Variants in HS3ST2 observed in about 807,000 individuals in gnomAD.
HS3ST2 encodes heparan sulfate glucosamine 3-O-sulfotransferase 2.
In HS3ST2, 17 loss-of-function variants were observed where a neutral mutation model predicts 26.3. The ratio of observed to expected loss-of-function variants is 0.65; its 90% CI spans 0.44 to 0.97. The LOEUF (loss-of-function observed/expected upper bound fraction) is 0.97. HS3ST2 is among the 50% of genes least tolerant of loss of function. HS3ST2 has a pLI of 0.00. For synonymous variants in HS3ST2, 237 were observed against 219.2 expected (o/e 1.08, Z -0.72); for missense variants, 402 against 501.2 (o/e 0.80, Z 1.89).
Position 22,814,648 on chromosome 16 carries a change from A to G in HS3ST2, c.38A>G (p.Gln13Arg). The stretch of plus-strand genomic sequence containing the variant: ...GTCCTGGGCCGCGCGGGGCCACCTC[A>G]GCCGCGGAGGGCGCGCAGGCTGCTC... Reference protein sequence around the residue: ...YRVLGRAGPPQPRRARRLLFA... With the variant: ...YRVLGRAGPPRPRRARRLLFA... Residue 13 changes from glutamine to arginine, a missense_variant, in exon 1 of 2, where the codon CAG becomes CGG. Gln to Arg is a conservative substitution (Grantham distance 43). This residue lies in a region of HS3ST2 where 165 missense variants were observed against 154.6 expected (regional missense o/e 1.07). Transcript: ENST00000261374. The G allele has an allele frequency of 6.4e-7, 1 of 1,559,316 alleles. No individual in the cohort carries two copies. Among genetic ancestry groups the G allele is most frequent in the Non-Finnish European group, 8.7e-7 (1 of 1,153,344 alleles).
chr16:22,895,574 G>T (rs941722678), intron 1 of HS3ST2, among the ~76,000 whole-genome samples: 1 of 151,878 alleles, frequency 6.6e-6, no homozygotes, highest in Non-Finnish European at 1.5e-5. Flanking sequence ...TGTATTCTGG[G>T]GTGGTCGTAT....
chr16:22,828,068 C>T (rs1473166181), intron 1 of HS3ST2, among the ~76,000 whole-genome samples: 2 of 152,150 alleles, frequency 1.3e-5, no homozygotes, highest in East Asian at 3.9e-4. Context: ...AGGCTGGAGT[C>T]TGAACCAAAT....
chr16:22,847,075 C>T (rs1291077753), intron 1 of HS3ST2, among the ~76,000 whole-genome samples: 1 of 152,130 alleles, frequency 6.6e-6, no homozygotes, highest in East Asian at 1.9e-4. Context: ...ATTATTTCAT[C>T]ACCCAGGTAC....
chr16:22,838,266 A>T lies in HS3ST2; in HGVS notation c.485+23171A>T, dbSNP rs991077165. Among the ~76,000 whole-genome samples the T allele has an allele frequency of 3.3e-5, 5 of 152,188 alleles. No homozygotes were observed. The East Asian group carries it at 9.7e-4, about 30-fold the overall frequency. ...CTCCTGAGCTCAAAGGGGGCTGAGG[A>T]TGTACAATTCCACGACCCAGGATTT... is the stretch of plus-strand genomic sequence containing the variant. On this transcript the variant is annotated intron_variant, in intron 1 of 1. Coordinates refer to ENST00000261374, the MANE Select transcript of HS3ST2 (RefSeq NM_006043.2).
chr16:22,842,325 A>G (rs755810218), intron 1 of HS3ST2, among the ~76,000 whole-genome samples: 8 of 151,874 alleles, frequency 5.3e-5, no homozygotes, highest in Non-Finnish European at 1.2e-4. Context: ...AGCCTCCCAA[A>G]GTGCTGGGAT....
At chr16:22,831,282 A>C (rs191296781) in intron 1 of HS3ST2, among the ~76,000 whole-genome samples, 142 of 152,356 alleles carry the variant, frequency 9.3e-4, no homozygotes, top group African/African-American at 3.3e-3. Context: ...GCCCACTAAG[A>C]TTCTCCCTGC....
At chr16:22,827,970 G>A (rs910235158) in intron 1 of HS3ST2, among the ~76,000 whole-genome samples, 2 of 151,960 alleles carry the variant, frequency 1.3e-5, no homozygotes, top group East Asian at 3.9e-4. Context: ...GCTTCCCTAA[G>A]TGCTAGGATT....
chr16:22,910,846 C>T (rs548785698), intron 1 of HS3ST2, among the ~76,000 whole-genome samples: 154 of 152,176 alleles, frequency 1.0e-3, no homozygotes, highest in African/African-American at 3.2e-3. Context: ...CCTTGCATAC[C>T]TTGTTCTCGG....
chr16:22,823,601 T>C (rs1051992766), intron 1 of HS3ST2, among the ~76,000 whole-genome samples: 3 of 135,516 alleles, frequency 2.2e-5, no homozygotes, highest in African/African-American at 5.9e-5. Flanking sequence ...CTGGGCAACA[T>C]AGGGAGACCT....
At chr16:22,818,639 C>G (rs1352898004) in intron 1 of HS3ST2, among the ~76,000 whole-genome samples, 1 of 151,366 alleles carries the variant, frequency 6.6e-6, no homozygotes, top group East Asian at 2.0e-4. Flanking sequence ...TTCCCTCTCT[C>G]CCCTTTCCCT....
chr16:22,832,705 C>T (rs1901191461), intron 1 of HS3ST2, among the ~76,000 whole-genome samples: 1 of 151,592 alleles, frequency 6.6e-6, no homozygotes, highest in African/African-American at 2.4e-5. Flanking sequence ...ATAAAAAGAT[C>T]CAACTGAAGG....
Position 22,823,966 on chromosome 16 carries a change from C to T in HS3ST2, c.485+8871C>T, listed in dbSNP as rs577930115. Among the ~76,000 whole-genome samples the T allele has an allele frequency of 2.6e-5, 4 of 152,344 alleles. No individual in the cohort carries two copies. In the South Asian group the frequency reaches 8.3e-4, roughly 32 times the overall value. ...GTGAGCATTTAAAAGACAATGTCAA[C>T]TCACAGGGTTACAATGGATTTCTTC... On this transcript the variant is annotated intron_variant, in intron 1 of 1. Transcript: ENST00000261374.
At chr16:22,869,679 G>A (rs1001287985) in intron 1 of HS3ST2, among the ~76,000 whole-genome samples, 1 of 152,092 alleles carries the variant, frequency 6.6e-6, no homozygotes, top group Non-Finnish European at 1.5e-5. Flanking sequence ...TGAGAACAGC[G>A]CAGGAAAGAC....
intron 1 of HS3ST2, among the ~76,000 whole-genome samples, chr16:22,906,391 A>ATAAATAAATAAC (rs1902353344): frequency 6.6e-6 from 1 of 151,934 alleles, no homozygotes; most frequent in Admixed American, 6.6e-5. Context: ...AAATAAATAA[A>ATAAATAAATAAC]TAAAATTTCA....
intron 1 of HS3ST2, among the ~76,000 whole-genome samples, chr16:22,865,864 G>C (rs1901742759): frequency 6.6e-6 from 1 of 152,184 alleles, no homozygotes; most frequent in Admixed American, 6.5e-5. Flanking sequence ...AGGATGCCAA[G>C]AATGTCTTGT....
At chr16:22,857,399 C>G (rs1236761808) in intron 1 of HS3ST2, among the ~76,000 whole-genome samples, 1 of 152,182 alleles carries the variant, frequency 6.6e-6, no homozygotes, top group East Asian at 1.9e-4. Context: ...ACTGTAGCCT[C>G]TCGATGAGTA....
At chr16:22,886,975 CTCCT>C (rs1902068968) in intron 1 of HS3ST2, among the ~76,000 whole-genome samples, 1 of 152,200 alleles carries the variant, frequency 6.6e-6, no homozygotes, top group Admixed American at 6.5e-5. Flanking sequence ...CAGTCTCAAA[CTCCT>C]GACCTCAAGT....
chr16:22,912,081 ACCACTGTACT>A (rs1443634194), intron 1 of HS3ST2, among the ~76,000 whole-genome samples: 1 of 152,168 alleles, frequency 6.6e-6, no homozygotes, highest in African/African-American at 2.4e-5. Context: ...CCCTGATGGC[ACCACTGTACT>A]CCAGCCTGGG....
At chr16:22,826,238 GC>G (rs1901084482) in intron 1 of HS3ST2, among the ~76,000 whole-genome samples, 1 of 152,044 alleles carries the variant, frequency 6.6e-6, no homozygotes, top group African/African-American at 2.4e-5. Flanking sequence ...TAGAGGAGGG[GC>G]CCCCACCCAG....
Sources: gnomAD v4.1 joint callset for allele counts (sites outside exome capture counted in the v4.1 genomes callset) on GRCh38, gnomAD v4.1.1 for gene constraint, gnomAD v4.1.1 regional missense constraint, MANE v1.5 for transcripts, NCBI Gene and HGNC (gene_info 2026-07-23, HGNC 2026-07-21) for gene names.